The following WDR72 variants were observed in gnomAD, a reference collection of about 807,000 sequenced individuals.
WDR72 encodes the protein WD repeat domain 72.
Under a neutral mutation model 124.2 loss-of-function variants are expected in WDR72, and 120 were observed. The observed-to-expected ratio is 0.97, with a 90% CI of 0.83 to 1.12. WDR72 has a LOEUF of 1.12. WDR72 is among the 50% of genes most tolerant of loss of function. WDR72 has a pLI of 0.00. For missense variants in WDR72, 1,387 were observed against 1,278.8 expected (o/e 1.08, Z -1.29); for synonymous variants, 452 against 441.7 (o/e 1.02, Z -0.29).
In WDR72 at chr15:53,665,787, G is replaced by A; in HGVS notation, c.1766-19C>T. The A allele has an allele frequency of 6.2e-7, 1 of 1,611,642 alleles. No individual in the cohort carries two copies. The highest frequency in any genetic ancestry group is 8.5e-7 in the Non-Finnish European group (1 of 1,178,528). On this transcript the variant is annotated intron_variant, in intron 13 of 19. Coordinates refer to ENST00000360509, the MANE Select transcript of WDR72 (RefSeq NM_182758.4). Reference sequence around the variant, plus strand: ...AAAGTGCCTGGAAAACAAGATTAGAGGTAAAAATGTCAGGAAAATATTTAC... The same window carrying A: ...AAAGTGCCTGGAAAACAAGATTAGAAGTAAAAATGTCAGGAAAATATTTAC...
rs115655160 is a variant in WDR72, at chr15:53,516,481, A to T, written c.*1218T>A. On this transcript the variant is annotated 3_prime_UTR_variant, in exon 20 of 20. Transcript: ENST00000360509. ...TGACTTGAACTTCTCTGTTAGATAC[A>T]TACATAGATATAGCTATATATCATA... 4.0e-3 allele frequency: 615 copies of T among 152,106 alleles called. 2 individuals are homozygous for T. Among genetic ancestry groups the T allele is most frequent in the African/African-American group, 0.014 (577 of 41,520 alleles). 9.4% of individuals were successfully genotyped at this position (152,106 alleles called of 1,614,324 possible).
intron 1 of WDR72, among the ~76,000 whole-genome samples, chr15:53,749,867 T>G (rs776620957): frequency 6.6e-6 from 1 of 152,136 alleles, no homozygotes; most frequent in Non-Finnish European, 1.5e-5. Flanking sequence ...GGAGCAGCAC[T>G]CTAACTCTCC....
chr15:53,624,207 G>A (rs2014118403), intron 14 of WDR72, among the ~76,000 whole-genome samples: 1 of 152,186 alleles, frequency 6.6e-6, no homozygotes, highest in African/African-American at 2.4e-5. Context: ...CGGGAAGGTA[G>A]AGAATGAGCT....
intron 14 of WDR72, among the ~76,000 whole-genome samples, chr15:53,628,512 G>C (rs1167088470): frequency 6.6e-6 from 1 of 152,078 alleles, no homozygotes; most frequent in African/African-American, 2.4e-5. Context: ...ATTTCTTGAT[G>C]CGGAAAATTT....
At chr15:53,724,712 G>A (rs1044740661) in intron 2 of WDR72, among the ~76,000 whole-genome samples, 4 of 152,168 alleles carry the variant, frequency 2.6e-5, no homozygotes, top group African/African-American at 7.2e-5. Flanking sequence ...TGAGATTTGC[G>A]TGGGGACACA....
At chr15:53,639,102 A>C (rs1222336132) in intron 14 of WDR72, among the ~76,000 whole-genome samples, 1 of 152,068 alleles carries the variant, frequency 6.6e-6, no homozygotes, top group East Asian at 1.9e-4. Flanking sequence ...CAGTCCACCA[A>C]TCTTATATCT....
chr15:53,697,549 C>T (rs7174645), intron 13 of WDR72, among the ~76,000 whole-genome samples: 25,443 of 151,968 alleles, frequency 0.17, 2,472 homozygotes, highest in East Asian at 0.45. Context: ...CTAGAGGTGG[C>T]CAGAGCTTCC....
chr15:53,688,300 A>T (rs2140497107), intron 13 of WDR72, among the ~76,000 whole-genome samples: 1 of 148,938 alleles, frequency 6.7e-6, no homozygotes, highest in South Asian at 2.1e-4. Context: ...ACATGATTGT[A>T]TATCTAGAAA....
intron 14 of WDR72, among the ~76,000 whole-genome samples, chr15:53,657,802 T>C (rs1011667822): frequency 6.6e-6 from 1 of 152,174 alleles, no homozygotes; most frequent in African/African-American, 2.4e-5. Context: ...CTGGTAGAAA[T>C]CACGGTTGCC....
At chr15:53,601,190 T>C (rs910520249) in intron 17 of WDR72, among the ~76,000 whole-genome samples, 8 of 152,000 alleles carry the variant, frequency 5.3e-5, no homozygotes, top group Non-Finnish European at 1.0e-4. Flanking sequence ...CCAGAAGAGA[T>C]TGGGGGACAA....
rs1567008753 is a variant in WDR72 at position 53,656,498 on chromosome 15, GT to G, written c.1962+9073del. 3.9e-5 allele frequency among the ~76,000 whole-genome samples: 6 copies of G among 152,148 alleles called. No individual in the cohort carries two copies. The South Asian group carries it at 1.2e-3, about 32-fold the overall frequency. On this transcript the variant is annotated intron_variant, in intron 14 of 19. Transcript: ENST00000360509. ...CTTTTTTGAGAATTGCTTCCTGTTA[GT>G]TTTTTGCATTTGCTACTCTCTTAGG...
Position 53,665,573 on chromosome 15 carries a change from T to G in WDR72, c.1961A>C (p.Lys654Thr). The G allele has an allele frequency of 6.2e-7, 1 of 1,613,744 alleles. No homozygotes were observed. The highest frequency in any genetic ancestry group is 1.1e-5 in the South Asian group (1 of 91,078). The change falls in exon 14 of 20, where the codon AAG (lysine) becomes ACG (threonine). Residue 654 changes from lysine to threonine, a missense_variant and splice_region_variant. Transcript: ENST00000360509. The part of the protein sequence containing the change: ...CPGLQVESSC[K>T]VTDAKFCPRP... ...AACAACAGCTTGATTTGAACTTACCTTACATGAAGACTCCACCTGCAGACC... is the reference window on the plus strand; with the variant it reads ...AACAACAGCTTGATTTGAACTTACCGTACATGAAGACTCCACCTGCAGACC...
chr15:53,599,616 T>C (rs1221950108), intron 17 of WDR72, among the ~76,000 whole-genome samples: 1 of 152,068 alleles, frequency 6.6e-6, no homozygotes, highest in African/African-American at 2.4e-5. Flanking sequence ...CAGACTATAT[T>C]ATACCCCTCA....
At chr15:53,613,111 A>T (rs897809222) in intron 16 of WDR72, among the ~76,000 whole-genome samples, 1 of 152,108 alleles carries the variant, frequency 6.6e-6, no homozygotes, top group Admixed American at 6.6e-5. Context: ...ATTTATTGAG[A>T]TGTCCCAAAC....
chr15:53,615,901 G>T lies in WDR72; in HGVS notation c.2305C>A (p.Gln769Lys). 1 of 1,613,396 alleles carries T rather than the reference G, an allele frequency of 6.2e-7. No individual in the cohort carries two copies. The highest frequency in any genetic ancestry group is 8.5e-7 in the Non-Finnish European group (1 of 1,179,650). Residue 769 changes from glutamine (Q) to lysine (K), a missense_variant, in exon 15 of 20, where the codon CAG becomes AAG. Physicochemically the swap from Gln to Lys is moderately conservative, Grantham distance 53 (BLOSUM62 1). Coordinates refer to ENST00000360509, the MANE Select transcript of WDR72 (RefSeq NM_182758.4). Reference sequence around the variant, plus strand: ...TTTTTGGAGATCTTCATTTTCTTCTGCCTTTTAATGCCATCATTTTCTTCT... The same window carrying T: ...TTTTTGGAGATCTTCATTTTCTTCTTCCTTTTAATGCCATCATTTTCTTCT... ...FSEENDGIKR[Q>K]KKMKISKKMQ...
In WDR72 at chr15:53,705,244, A is replaced by G; in HGVS notation, c.1103-11T>C. 1 of 1,611,272 alleles carries G rather than the reference A, an allele frequency of 6.2e-7. No individual in the cohort carries two copies. Among genetic ancestry groups the G allele is most frequent in the Non-Finnish European group, 8.5e-7 (1 of 1,179,960 alleles). ...CAGTTACTGGTATCTCTAAAAAGAAAACAGACATAAAAAGAAAATTTGGTT... is the reference window on the plus strand; with the variant it reads ...CAGTTACTGGTATCTCTAAAAAGAAGACAGACATAAAAAGAAAATTTGGTT... On this transcript the variant is annotated splice_polypyrimidine_tract_variant and intron_variant, in intron 10 of 19. Transcript: ENST00000360509.
chr15:53,535,239 C>T (rs1892699775), intron 18 of WDR72, among the ~76,000 whole-genome samples: 2 of 152,116 alleles, frequency 1.3e-5, no homozygotes, highest in African/African-American at 2.4e-5. Flanking sequence ...GGCTTATATA[C>T]ATTTTTGTCT....
At chr15:53,745,194 AG>A (rs1192227581) in intron 1 of WDR72, among the ~76,000 whole-genome samples, 1 of 152,168 alleles carries the variant, frequency 6.6e-6, no homozygotes, top group African/African-American at 2.4e-5. Context: ...ATGGGGGTAT[AG>A]GTGATTCTGC....
intron 13 of WDR72, among the ~76,000 whole-genome samples, chr15:53,688,148 G>T (rs1011022913): frequency 6.6e-6 from 1 of 150,646 alleles, no homozygotes; most frequent in Non-Finnish European, 1.5e-5. Flanking sequence ...TTTGAAAAGT[G>T]GCACAAGACA....
Sources: gnomAD v4.1 joint callset for allele counts (sites outside exome capture counted in the v4.1 genomes callset) on GRCh38, gnomAD v4.1.1 for gene constraint, MANE v1.5 for transcripts, NCBI Gene and HGNC (gene_info 2026-07-23, HGNC 2026-07-21) for gene names.